Variants in TGFB1I1 observed in about 807,000 individuals in gnomAD.
TGFB1I1 encodes the protein transforming growth factor beta-1-induced transcript 1 protein.
Under a neutral mutation model 52.0 loss-of-function variants are expected in TGFB1I1, and 33 were observed. The ratio of observed to expected loss-of-function variants is 0.63; its 90% CI spans 0.48 to 0.85. The LOEUF is 0.85. TGFB1I1 is among the 40% of genes least tolerant of loss of function. TGFB1I1 has a pLI of 0.00. For synonymous variants in TGFB1I1, 236 were observed against 253.3 expected (o/e 0.93, Z 0.65); for missense variants, 577 against 614.9 (o/e 0.94, Z 0.65).
At chr16:31,472,375 T>G in intron 1 of TGFB1I1, 174 bp downstream of exon 1, 1 of 1,092,498 alleles carries the variant, frequency 9.2e-7, no homozygotes, top group Non-Finnish European at 1.2e-6. Context: ...TTCCTGCCTT[T>G]CCTGGGCCGG....
In TGFB1I1 at chr16:31,473,497, C is replaced by G. The variant is rs751298736; in HGVS notation, c.70C>G (p.Pro24Ala). 1 of 1,613,904 alleles carries G rather than the reference C, an allele frequency of 6.2e-7. No homozygotes were observed. The highest frequency in any genetic ancestry group is 1.1e-5 in the South Asian group (1 of 91,084). ...CTCGCACATGCCAAGGTCAGGGGCT[C>G]CCAAAGAGCGCCCTGCGGAGCCTCT... ...TTSHMPRSGA[P>A]KERPAEPLTP... The change falls in exon 2 of 11, where the codon CCC becomes GCC. Residue 24 changes from proline to alanine, a missense_variant. By Grantham distance (27) the Pro-to-Ala change is conservative (BLOSUM62 -1). Transcript: ENST00000394863.
chr16:31,474,306 T>C lies in TGFB1I1; in HGVS notation c.414-44T>C. 1 of 1,613,820 alleles carries C rather than the reference T, an allele frequency of 6.2e-7. No individual in the cohort carries two copies. Among genetic ancestry groups the C allele is most frequent in the Non-Finnish European group, 8.5e-7 (1 of 1,179,742 alleles). ...GATATCTGAGTCACTAGAGGGAGCG[T>C]TGCTCTGGGAGGCTCTGAGATGACA... On this transcript the variant is annotated intron_variant, in intron 5 of 10. Transcript: ENST00000394863. The surrounding 1 kb of genome is among the most constrained non-coding windows in gnomAD (Gnocchi z 4.2).
intron 1 of TGFB1I1, 58 bp from the exon 2 acceptor site, chr16:31,473,383 C>A: frequency 9.6e-6 from 15 of 1,568,576 alleles, no homozygotes; most frequent in Non-Finnish European, 1.2e-5. Flanking sequence ...CACTGGGAAC[C>A]TTATCTTCTG....
intron 1 of TGFB1I1, 24 bp from the exon 2 acceptor site, chr16:31,473,417 C>T (rs779602684): frequency 6.2e-7 from 1 of 1,603,162 alleles, no homozygotes. Context: ...CCTTGTCTCT[C>T]TCCCTGATGG....
At position 31,477,545 on chromosome 16, in the gene TGFB1I1, G is replaced by T. The variant is rs1221829945; in HGVS notation, c.1355G>T (p.Cys452Phe). The T allele has an allele frequency of 6.2e-7, 1 of 1,608,768 alleles. No individual in the cohort carries two copies. Among genetic ancestry groups the T allele is most frequent in the Non-Finnish European group, 8.5e-7 (1 of 1,178,414 alleles). Residue 452 changes from cysteine (C) to phenylalanine (F), a missense_variant, in exon 11 of 11, where the codon TGC (cysteine) becomes TTC (phenylalanine). Coordinates refer to ENST00000394863, the MANE Select transcript of TGFB1I1 (RefSeq NM_001042454.3). The surrounding 1 kb of genome is among the most constrained non-coding windows in gnomAD (Gnocchi z 4.7). The part of the protein sequence containing the change: ...SFQERAGKPY[C>F]QPCFLKLFG Reference sequence around the variant, plus strand: ...CAGGAGCGCGCCGGCAAGCCCTACTGCCAGCCCTGCTTCCTGAAGCTCTTC... The same window carrying T: ...CAGGAGCGCGCCGGCAAGCCCTACTTCCAGCCCTGCTTCCTGAAGCTCTTC...
At position 31,477,025 on chromosome 16, in the gene TGFB1I1, G is replaced by C; in HGVS notation, c.1119+15G>C. 1 of 1,563,980 alleles carries C rather than the reference G, an allele frequency of 6.4e-7. No homozygotes were observed. Among genetic ancestry groups the C allele is most frequent in the Non-Finnish European group, 8.6e-7 (1 of 1,162,636 alleles). On this transcript the variant is annotated intron_variant, in intron 10 of 10. Coordinates refer to ENST00000394863, the MANE Select transcript of TGFB1I1 (RefSeq NM_001042454.3). The surrounding 1 kb of genome is among the most constrained non-coding windows in gnomAD (Gnocchi z 4.7). ...TCGTCTGCAGGGTGCGAGCTGCGGG[G>C]CGGGGCGTTGGAGGGGCGGGTCAAG...
In TGFB1I1 at chr16:31,477,120, G is replaced by A. The variant is rs1407135126; in HGVS notation, c.1119+110G>A. The A allele has an allele frequency of 7.2e-7, 1 of 1,381,978 alleles. No homozygotes were observed. The highest frequency in any genetic ancestry group is 1.5e-5 in the African/African-American group (1 of 68,878). 85.6% of individuals were successfully genotyped at this position (1,381,978 alleles called of 1,614,324 possible). A position where few individuals can be genotyped will look rare whatever the true frequency, so the allele number is the denominator to read the frequency against. On this transcript the variant is annotated intron_variant, in intron 10 of 10. Coordinates refer to ENST00000394863, the MANE Select transcript of TGFB1I1 (RefSeq NM_001042454.3). This position sits in a 1 kb window ranked among gnomAD's most constrained non-coding sequence, Gnocchi z 4.7. ...TGCAGGGCAGGGGGCGGGCCCTCGG[G>A]GGGGCGGGTCACGGGAGGTGCTGCT...
At position 31,473,901 on chromosome 16, in the gene TGFB1I1, C is replaced by G; in HGVS notation, c.249C>G (p.Ser83Arg). ...APAAPPFSSSSGVLGTGLCEL... is the reference protein window; with the variant it reads ...APAAPPFSSSRGVLGTGLCEL... ...CGGCCCCTCCATTCTCCTCTTCCAG[C>G]GGTGTCTTGGGTACCGGGCTCTGTG... The change falls in exon 4 of 11, where the codon AGC becomes AGG. Residue 83 changes from serine to arginine, a missense_variant. Ser to Arg is a moderately radical substitution (Grantham distance 110, BLOSUM62 -1). Around this residue, in one of 3 missense-constraint regions of TGFB1I1, gnomAD observed 113 missense variants for 123.9 expected, o/e 0.91. Transcript: ENST00000394863. 2 of 1,614,078 alleles carry G rather than the reference C, an allele frequency of 1.2e-6. No homozygotes were observed. Among genetic ancestry groups the G allele is most frequent in the Non-Finnish European group, 1.7e-6 (2 of 1,180,028 alleles).
Position 31,476,939 on chromosome 16 carries a change from C to T in TGFB1I1, c.1048C>T (p.Gln350Ter), listed in dbSNP as rs376191730. The T allele has an allele frequency of 5.6e-6, 9 of 1,605,946 alleles. No homozygotes were observed. The highest frequency in any genetic ancestry group is 7.6e-6 in the Non-Finnish European group (9 of 1,178,826). ...QLFAPRCQGC[Q>*]GPILDNYISA... ...GTTCGCCCCGCGCTGCCAGGGCTGC[C>T]AGGGCCCCATCCTGGATAACTACAT... is the stretch of plus-strand genomic sequence containing the variant. Residue 350 changes from glutamine to a stop codon, truncating the protein, a stop_gained, in exon 10 of 11, where the codon CAG becomes TAG. Transcript: ENST00000394863. LOFTEE classifies it high-confidence loss of function. This position sits in a 1 kb window ranked among gnomAD's most constrained non-coding sequence, Gnocchi z 7.6.
At position 31,474,274 on chromosome 16, in the gene TGFB1I1, AG is replaced by A. The variant is rs1401957013; in HGVS notation, c.413+36del. The A allele has an allele frequency of 8.1e-6, 13 of 1,613,556 alleles. No homozygotes were observed. Among genetic ancestry groups the A allele is most frequent in the Non-Finnish European group, 1.1e-5 (13 of 1,179,658 alleles). On this transcript the variant is annotated intron_variant, in intron 5 of 10. Transcript: ENST00000394863. The surrounding 1 kb of genome is among the most constrained non-coding windows in gnomAD (Gnocchi z 4.2). ...GCGTCGTTGTCAGGGCTGAGAGATG[AG>A]TCCTGGATATCTGAGTCACTAGAGG...
chr16:31,476,064 G>T lies in TGFB1I1; in HGVS notation c.767G>T (p.Gly256Val). The T allele has an allele frequency of 6.2e-7, 1 of 1,613,752 alleles. No individual in the cohort carries two copies. Among genetic ancestry groups the T allele is most frequent in the South Asian group, 1.1e-5 (1 of 91,086 alleles). ...AWHPEHFVCG[G>V]CSTALGGSSF... ...CACCCCGAGCACTTCGTTTGCGGAG[G>T]CTGTTCCACCGCCCTGGGAGGCAGC... Residue 256 changes from glycine to valine, a missense_variant, in exon 8 of 11, where the codon GGC becomes GTC. By Grantham distance (109) the Gly-to-Val change is moderately radical. Transcript: ENST00000394863. This position sits in a 1 kb window ranked among gnomAD's most constrained non-coding sequence, Gnocchi z 7.6.
Position 31,474,094 on chromosome 16 carries a change from A to C in TGFB1I1, c.326-58A>C. On this transcript the variant is annotated intron_variant, in intron 4 of 10. Coordinates refer to ENST00000394863, the MANE Select transcript of TGFB1I1 (RefSeq NM_001042454.3). This position sits in a 1 kb window ranked among gnomAD's most constrained non-coding sequence, Gnocchi z 4.2. Reference sequence around the variant, plus strand: ...GCAGTTAAAGGGACCTAAAGCCTCAAGTGTGAGGGTGCGTTGAGCATGGCC... The same window carrying C: ...GCAGTTAAAGGGACCTAAAGCCTCACGTGTGAGGGTGCGTTGAGCATGGCC... 6.2e-7 allele frequency: 1 copy of C among 1,611,000 alleles called. No homozygotes were observed. Among genetic ancestry groups the C allele is most frequent in the Non-Finnish European group, 8.5e-7 (1 of 1,177,544 alleles).
intron 7 of TGFB1I1, 150 bp from the exon 8 acceptor site, chr16:31,475,862 A>T: frequency 1.2e-6 from 1 of 823,098 alleles, no homozygotes; most frequent in South Asian, 1.7e-5. Flanking sequence ...CGGGAGCTAG[A>T]TCTCCATCGC....
At position 31,477,390 on chromosome 16, in the gene TGFB1I1, A is replaced by C; in HGVS notation, c.1200A>C (p.Arg400=). ...RPLCENHFHA[R]RGSLCATCGL... is the part of the protein sequence containing the mutation. ...TGTGCGAGAACCACTTCCACGCACG[A>C]CGCGGCTCGCTGTGCGCCACGTGTG... Residue 400 remains arginine, a synonymous_variant, in exon 11 of 11, where the codon CGA becomes CGC. Transcript: ENST00000394863. This position sits in a 1 kb window ranked among gnomAD's most constrained non-coding sequence, Gnocchi z 4.7. 6.2e-7 allele frequency: 1 copy of C among 1,611,144 alleles called. No homozygotes were observed. Among genetic ancestry groups the C allele is most frequent in the Non-Finnish European group, 8.5e-7 (1 of 1,179,196 alleles).
chr16:31,473,595 C>T, intron 2 of TGFB1I1, 39 bp downstream of exon 2: 2 of 1,611,920 alleles, frequency 1.2e-6, no homozygotes, highest in Non-Finnish European at 1.7e-6. Context: ...GCCACTAGGG[C>T]CAGGCTCGGC....
At position 31,474,986 on chromosome 16, in the gene TGFB1I1, G is replaced by C. The variant is rs1295538333; in HGVS notation, c.714+229G>C. ...TTATTGTGGTCCTACTGTGTGCCAGGCACTGTGCCAGCTCCTTTACAAACC... is the reference window on the plus strand; with the variant it reads ...TTATTGTGGTCCTACTGTGTGCCAGCCACTGTGCCAGCTCCTTTACAAACC... On this transcript the variant is annotated intron_variant, in intron 7 of 10. Coordinates refer to ENST00000394863, the MANE Select transcript of TGFB1I1 (RefSeq NM_001042454.3). This position sits in a 1 kb window ranked among gnomAD's most constrained non-coding sequence, Gnocchi z 4.2. 17 of 556,974 alleles carry C rather than the reference G, an allele frequency of 3.1e-5. No homozygotes were observed. The highest frequency in any genetic ancestry group is 5.1e-5 in the Non-Finnish European group (16 of 312,944). 34.5% of individuals were successfully genotyped at this position (556,974 alleles called of 1,614,324 possible).
rs778169254 is a variant in TGFB1I1 at position 31,473,935 on chromosome 16, C to A, written c.283C>A (p.Arg95=). Residue 95 remains arginine, a synonymous_variant, in exon 4 of 11, where the codon CGG becomes AGG. Coordinates refer to ENST00000394863, the MANE Select transcript of TGFB1I1 (RefSeq NM_001042454.3). ...GGGTACCGGGCTCTGTGAGCTAGAT[C>A]GGTTGCTTCAGGAACTTAATGCCAC... is the stretch of plus-strand genomic sequence containing the variant. The part of the protein sequence containing the change: ...VLGTGLCELD[R]LLQELNATQF... 1.2e-6 allele frequency: 2 copies of A among 1,600,736 alleles called. No homozygotes were observed. The highest frequency in any genetic ancestry group is 4.6e-5 in the East Asian group (2 of 43,948).
chr16:31,476,660 C>A lies in TGFB1I1; in HGVS notation c.970+98C>A, dbSNP rs1280891734. On this transcript the variant is annotated intron_variant, in intron 9 of 10. Transcript: ENST00000394863. This position sits in a 1 kb window ranked among gnomAD's most constrained non-coding sequence, Gnocchi z 7.6. ...CCGGAGTCCTCAGGGCCATGGTTTT[C>A]CTTCTGCTCTCTTCTGGCCCTGCCC... The A allele has an allele frequency of 7.5e-6, 11 of 1,462,846 alleles. No homozygotes were observed. Among genetic ancestry groups the A allele is most frequent in the Non-Finnish European group, 9.3e-6 (10 of 1,070,310 alleles). The allele number at this position is 1,462,846 out of a possible 1,614,324, so 90.6% of individuals were successfully genotyped here.
chr16:31,474,864 G>T lies in TGFB1I1; in HGVS notation c.714+107G>T, dbSNP rs892430547. 3 of 1,058,140 alleles carry T rather than the reference G, an allele frequency of 2.8e-6. No individual in the cohort carries two copies. Among genetic ancestry groups the T allele is most frequent in the Non-Finnish European group, 4.1e-6 (3 of 730,330 alleles). The allele number at this position is 1,058,140 out of a possible 1,614,324, so 65.5% of individuals were successfully genotyped here. On this transcript the variant is annotated intron_variant, in intron 7 of 10. Transcript: ENST00000394863. The surrounding 1 kb of genome is among the most constrained non-coding windows in gnomAD (Gnocchi z 4.2). ...TTTTAGTAAGTTAATCTGGGAAGTG[G>T]GTATCATTATTACTTATGTTTTATG... is the stretch of plus-strand genomic sequence containing the variant.
Sources: gnomAD v4.1 joint callset for allele counts on GRCh38, gnomAD v4.1.1 for gene constraint, gnomAD v4.1.1 regional missense constraint, Gnocchi (gnomAD v3.1) non-coding constraint, MANE v1.5 for transcripts, NCBI Gene and HGNC (gene_info 2026-07-23, HGNC 2026-07-21) for gene names.